Variants in ZNF618 observed in about 807,000 individuals in gnomAD.
ZNF618 encodes the protein neural precursor cell expressed, developmentally down-regulated 10.
A neutral mutation model predicts 103.0 loss-of-function variants in ZNF618; 34 were observed. The ratio of observed to expected loss-of-function variants is 0.33; its 90% CI spans 0.25 to 0.44. The LOEUF (loss-of-function observed/expected upper bound fraction) is 0.44, where lower values mean the gene tolerates loss of function less well. Among genes scored for constraint, ZNF618 ranks in the 20% least tolerant of loss-of-function variants. The probability of loss-of-function intolerance (pLI) is 1.00; values close to 1 mark genes in which losing one functional copy is unlikely to be tolerated. For missense variants in ZNF618, 1,059 were observed against 1,295.4 expected, an observed-to-expected ratio of 0.82 and a Z score of 2.80; for synonymous variants, 551 against 542.2, an observed-to-expected ratio of 1.02 and a Z score of -0.23.
intron 1 of ZNF618, among the ~76,000 whole-genome samples, chr9:113,907,628 C>T (rs1407475074): frequency 1.3e-5 from 2 of 152,206 alleles, no homozygotes; most frequent in African/African-American, 2.4e-5. Context: ...AGTAGGCAAG[C>T]GCTTTCCAGA....
intron 1 of ZNF618, among the ~76,000 whole-genome samples, chr9:113,930,953 T>G (rs761404901): frequency 5.3e-5 from 8 of 152,264 alleles, no homozygotes; most frequent in Non-Finnish European, 1.2e-4. Flanking sequence ...ATTTTTACAT[T>G]AAATTGTGTG....
At chr9:113,905,133 A>C (rs1266943988) in intron 1 of ZNF618, among the ~76,000 whole-genome samples, 1 of 152,026 alleles carries the variant, frequency 6.6e-6, no homozygotes, top group Non-Finnish European at 1.5e-5. Context: ...GCAGTGGCAT[A>C]GTCTTGGCTT....
intron 1 of ZNF618, among the ~76,000 whole-genome samples, chr9:113,924,009 C>T (rs1042006655): frequency 6.6e-6 from 1 of 152,044 alleles, no homozygotes; most frequent in Admixed American, 6.5e-5. Context: ...GGATGCTAAA[C>T]TTGCATTAGA....
intron 6 of ZNF618, among the ~76,000 whole-genome samples, chr9:114,003,362 A>G (rs2133698507): frequency 6.6e-6 from 1 of 152,354 alleles, no homozygotes; most frequent in Admixed American, 6.5e-5. Context: ...TCACAGTTCC[A>G]CGTGTAGGTA....
rs1398242329 is a variant in ZNF618, at chr9:113,946,982, T to C, written c.34-22135T>C. Among the ~76,000 whole-genome samples the C allele has an allele frequency of 2.0e-5, 3 of 152,180 alleles. No homozygotes were observed. The East Asian group carries it at 5.8e-4, about 29-fold the overall frequency. ...AAAGCCTGCCTCCTCCTCACTGTCT[T>C]TGGTTCTTAAATCTGTGTTCTGTTT... On this transcript the variant is annotated intron_variant, in intron 1 of 14. Coordinates refer to ENST00000374126, the MANE Select transcript of ZNF618 (RefSeq NM_001318042.2).
chr9:113,963,752 A>C (rs1181324994), intron 1 of ZNF618, among the ~76,000 whole-genome samples: 1 of 152,240 alleles, frequency 6.6e-6, no homozygotes, highest in African/African-American at 2.4e-5. Context: ...AATCATAATT[A>C]ACAGATTCAA....
chr9:113,922,175 T>C (rs1442209733), intron 1 of ZNF618, among the ~76,000 whole-genome samples: 1 of 152,082 alleles, frequency 6.6e-6, no homozygotes, highest in African/African-American at 2.4e-5. Flanking sequence ...GAACAAAAAA[T>C]AAACACAATT....
At chr9:114,036,504 G>A in intron 13 of ZNF618, 127 bp downstream of exon 13, 1 of 977,832 alleles carries the variant, frequency 1.0e-6, no homozygotes, top group Non-Finnish European at 1.5e-6. Context: ...ACAGGACATG[G>A]AACCTGCTTG....
chr9:113,955,667 T>C (rs924847164), intron 1 of ZNF618, among the ~76,000 whole-genome samples: 6 of 152,068 alleles, frequency 3.9e-5, no homozygotes, highest in African/African-American at 7.2e-5. Flanking sequence ...TCCAGACTTT[T>C]CTCTCTTTAA....
At chr9:113,882,244 T>A (rs999739815) in intron 1 of ZNF618, among the ~76,000 whole-genome samples, 4 of 152,238 alleles carry the variant, frequency 2.6e-5, no homozygotes, top group Admixed American at 2.0e-4. Context: ...GTTTGAGGTC[T>A]GCCAGACCAG....
chr9:114,016,008 AGGGGGTAGATGCTGCTCTTTGTTTG>A, intron 9 of ZNF618: 2 of 1,089,094 alleles, frequency 1.8e-6, no homozygotes, highest in Non-Finnish European at 2.7e-6. Context: ...CCCTCCCCCA[AGGGGGTAGATGCTGCTCTTTGTTTG>A]GGGGTTACAG....
intron 13 of ZNF618, among the ~76,000 whole-genome samples, chr9:114,042,870 T>C (rs1845334134): frequency 6.6e-6 from 1 of 152,170 alleles, no homozygotes. Flanking sequence ...AGAAAGTTCC[T>C]TCATGCCCCT....
chr9:114,003,544 G>A (rs1278409739), intron 6 of ZNF618, among the ~76,000 whole-genome samples: 2 of 152,198 alleles, frequency 1.3e-5, no homozygotes, highest in African/African-American at 2.4e-5. Flanking sequence ...ACAATTTATA[G>A]CTACACACAG....
intron 6 of ZNF618, among the ~76,000 whole-genome samples, chr9:114,005,286 C>A (rs547397951): frequency 6.6e-6 from 1 of 152,186 alleles, no homozygotes; most frequent in African/African-American, 2.4e-5. Context: ...GAAAATGCAG[C>A]GGTTCTGAAA....
intron 1 of ZNF618, among the ~76,000 whole-genome samples, chr9:113,902,993 C>G (rs1830688000): frequency 6.6e-6 from 1 of 152,036 alleles, no homozygotes; most frequent in South Asian, 2.1e-4. Context: ...ATGATGTGTA[C>G]CCAGGTGTGG....
intron 4 of ZNF618, among the ~76,000 whole-genome samples, chr9:113,998,927 T>C (rs971250585): frequency 1.3e-5 from 2 of 152,226 alleles, no homozygotes; most frequent in Admixed American, 6.5e-5. Flanking sequence ...CCAGGCCCTG[T>C]GCTAAGGAGC....
chr9:114,014,625 A>G (rs1201252698), intron 9 of ZNF618, among the ~76,000 whole-genome samples: 1 of 152,264 alleles, frequency 6.6e-6, no homozygotes, highest in East Asian at 1.9e-4. Flanking sequence ...AAACAAATAG[A>G]TCAGGGTCTG....
rs1195121318 is a variant in ZNF618 at position 114,056,398 on chromosome 9, C to T, written c.*6231C>T. ...CCAGGGAGAAGAGGAAGGTTCCACT[C>T]GGTTCTTTAAGTCGCCAAAAGCCCC... is the stretch of plus-strand genomic sequence containing the variant. On this transcript the variant is annotated 3_prime_UTR_variant, in exon 15 of 15. Coordinates refer to ENST00000374126, the MANE Select transcript of ZNF618 (RefSeq NM_001318042.2). 1 of 152,216 alleles carries T rather than the reference C, an allele frequency of 6.6e-6. No individual in the cohort carries two copies. The highest frequency in any genetic ancestry group is 1.5e-5 in the Non-Finnish European group (1 of 68,040). 9.4% of individuals were successfully genotyped at this position (152,216 alleles called of 1,614,324 possible).
chr9:114,047,576 A>G (rs1190816483), intron 13 of ZNF618, among the ~76,000 whole-genome samples: 1 of 152,156 alleles, frequency 6.6e-6, no homozygotes, highest in Non-Finnish European at 1.5e-5. Flanking sequence ...GTTCCCAGCC[A>G]GGCTTGGGAT....
Sources: gnomAD v4.1 joint callset for allele counts (sites outside exome capture counted in the v4.1 genomes callset) on GRCh38, gnomAD v4.1.1 for gene constraint, MANE v1.5 for transcripts, NCBI Gene and HGNC (gene_info 2026-07-23, HGNC 2026-07-21) for gene names.